The following SLC25A48 variants were observed in gnomAD, a reference collection of about 807,000 sequenced individuals.
SLC25A48 encodes solute carrier family 25 member 48.
Under a neutral mutation model 32.2 loss-of-function variants are expected in SLC25A48, and 29 were observed. The ratio of observed to expected loss-of-function variants is 0.90; its 90% CI spans 0.67 to 1.23. The LOEUF is 1.23. Ranked by LOEUF, SLC25A48 falls within the 50% of genes most tolerant of loss-of-function variation. The pLI is 0.00. For synonymous variants in SLC25A48, 164 were observed against 172.3 expected, an observed-to-expected ratio of 0.95 and a Z score of 0.38; for missense variants, 399 against 422.7, an observed-to-expected ratio of 0.94 and a Z score of 0.49.
At chr5:135,585,156 C>T (rs1751333899) in intron 1 of SLC25A48, among the ~76,000 whole-genome samples, 1 of 152,126 alleles carries the variant, frequency 6.6e-6, no homozygotes, top group African/African-American at 2.4e-5. Context: ...GAGCTGTCCC[C>T]CACTGCTTGG....
intron 7 of SLC25A48, among the ~76,000 whole-genome samples, chr5:135,887,524 A>G (rs943375817): frequency 1.3e-5 from 2 of 151,902 alleles, no homozygotes; most frequent in Non-Finnish European, 2.9e-5. Flanking sequence ...CCCTCGCCCA[A>G]AGGCTGATAC....
chr5:135,797,156 T>C (rs1580891279), intron 3 of SLC25A48, among the ~76,000 whole-genome samples: 1 of 151,862 alleles, frequency 6.6e-6, no homozygotes, highest in African/African-American at 2.4e-5. Context: ...CTTCCTAATA[T>C]CCAGGGGTGA....
At chr5:135,819,729 C>T (rs113539674) in intron 4 of SLC25A48, among the ~76,000 whole-genome samples, 96 of 152,046 alleles carry the variant, frequency 6.3e-4, no homozygotes, top group African/African-American at 2.0e-3. Flanking sequence ...CTTTATGTAG[C>T]TAATTGTACT....
At chr5:135,744,400 G>C (rs1474654413) in intron 3 of SLC25A48, among the ~76,000 whole-genome samples, 2 of 151,868 alleles carry the variant, frequency 1.3e-5, no homozygotes, top group African/African-American at 2.4e-5. Flanking sequence ...ACCCAGGCTG[G>C]GGGGCAGTGG....
chr5:135,636,001 A>G (rs770663237), intron 3 of SLC25A48, among the ~76,000 whole-genome samples: 4 of 151,968 alleles, frequency 2.6e-5, no homozygotes. Context: ...TAGTCCCCCA[A>G]CTCCCCATTC....
chr5:135,765,441 C>G (rs552571005), intron 3 of SLC25A48, among the ~76,000 whole-genome samples: 1 of 151,554 alleles, frequency 6.6e-6, no homozygotes, highest in East Asian at 2.0e-4. Flanking sequence ...GGTGATATTA[C>G]TCACCATATC....
intron 1 of SLC25A48, among the ~76,000 whole-genome samples, chr5:135,598,687 A>T (rs998548730): frequency 1.3e-5 from 2 of 152,238 alleles, no homozygotes; most frequent in African/African-American, 2.4e-5. Flanking sequence ...ATGAATATTC[A>T]TAAAGAGGGA....
At chr5:135,581,652 G>A (rs915388311) in intron 1 of SLC25A48, among the ~76,000 whole-genome samples, 15 of 152,356 alleles carry the variant, frequency 9.8e-5, no homozygotes, top group African/African-American at 2.9e-4. Flanking sequence ...ATGGACCAAC[G>A]TTCCCCAGCT....
chr5:135,637,993 A>G (rs1752744602), intron 3 of SLC25A48, among the ~76,000 whole-genome samples: 1 of 152,192 alleles, frequency 6.6e-6, no homozygotes, highest in Non-Finnish European at 1.5e-5. Flanking sequence ...CTTATTTTCC[A>G]CATTTTAACA....
intron 4 of SLC25A48, among the ~76,000 whole-genome samples, chr5:135,867,358 A>T (rs1266682535): frequency 2.0e-5 from 3 of 152,176 alleles, no homozygotes; most frequent in Non-Finnish European, 4.4e-5. Flanking sequence ...CATATTTCCA[A>T]GACTGACTTA....
At chr5:135,648,437 G>T in intron 3 of SLC25A48, 1 of 152,194 alleles carries the variant, frequency 6.6e-6, no homozygotes, top group East Asian at 1.9e-4. Flanking sequence ...CCTCAAATCA[G>T]TTTGTTCTCT....
At chr5:135,758,653 T>G (rs1286498423) in intron 3 of SLC25A48, among the ~76,000 whole-genome samples, 1 of 150,726 alleles carries the variant, frequency 6.6e-6, no homozygotes, top group Admixed American at 6.6e-5. Flanking sequence ...ATATGTAGTG[T>G]TAACACACTA....
intron 3 of SLC25A48, among the ~76,000 whole-genome samples, chr5:135,794,542 AAAG>A (rs898931760): frequency 7.9e-5 from 12 of 151,898 alleles, no homozygotes; most frequent in African/African-American, 2.9e-4. Flanking sequence ...ATCCAGGGGA[AAAG>A]AAGATGATAT....
chr5:135,828,725 C>T (rs896691591), intron 4 of SLC25A48, among the ~76,000 whole-genome samples: 9 of 152,250 alleles, frequency 5.9e-5, no homozygotes, highest in African/African-American at 2.2e-4. Context: ...GGACTGAGGA[C>T]TGCCTCTAGC....
At chr5:135,764,100 AG>A (rs1398119980) in intron 3 of SLC25A48, among the ~76,000 whole-genome samples, 1 of 152,046 alleles carries the variant, frequency 6.6e-6, no homozygotes, top group South Asian at 2.1e-4. Context: ...CCATATCGCA[AG>A]GGGTGTACAC....
At chr5:135,683,039 G>A (rs1027372394) in intron 3 of SLC25A48, among the ~76,000 whole-genome samples, 1 of 152,174 alleles carries the variant, frequency 6.6e-6, no homozygotes, top group African/African-American at 2.4e-5. Flanking sequence ...GAATCCCACT[G>A]GAGAAGCCTC....
intron 1 of SLC25A48, among the ~76,000 whole-genome samples, chr5:135,835,354 G>T: frequency 6.8e-6 from 1 of 147,836 alleles, no homozygotes; most frequent in South Asian, 2.1e-4. Flanking sequence ...GGGGCGTCCC[G>T]ACTGGAGGGA....
intron 3 of SLC25A48, among the ~76,000 whole-genome samples, chr5:135,809,200 G>A (rs1757539346): frequency 6.6e-6 from 1 of 152,062 alleles, no homozygotes; most frequent in Non-Finnish European, 1.5e-5. Flanking sequence ...TTGGGAGGCT[G>A]AGGCAGGAGG....
intron 3 of SLC25A48, among the ~76,000 whole-genome samples, chr5:135,689,268 T>A (rs1754089501): frequency 6.6e-6 from 1 of 152,296 alleles, no homozygotes. Flanking sequence ...TAAGAGGGAA[T>A]CTACAGGCAC....
Sources: gnomAD v4.1 joint callset for allele counts (sites outside exome capture counted in the v4.1 genomes callset) on GRCh38, gnomAD v4.1.1 for gene constraint, MANE v1.5 for transcripts, NCBI Gene and HGNC (gene_info 2026-07-23, HGNC 2026-07-21) for gene names.